MEIS2: variants seen among roughly 807,000 people sequenced by gnomAD.
MEIS2 encodes the protein homeobox protein Meis2.
In MEIS2, 9 loss-of-function variants were observed where a neutral mutation model predicts 58.6. The ratio of observed to expected loss-of-function variants is 0.15; its 90% CI spans 0.09 to 0.27. MEIS2 has a LOEUF of 0.27. Among genes scored for constraint, MEIS2 ranks in the 10% least tolerant of loss-of-function variants. The pLI is 1.00. For missense variants in MEIS2, 427 were observed against 635.0 expected, an observed-to-expected ratio of 0.67 and a Z score of 3.52; for synonymous variants, 221 against 228.4, an observed-to-expected ratio of 0.97 and a Z score of 0.29.
intron 9 of MEIS2, among the ~76,000 whole-genome samples, chr15:36,945,920 T>C (rs1339143844): frequency 1.3e-5 from 2 of 152,032 alleles, no homozygotes; most frequent in Non-Finnish European, 2.9e-5. Flanking sequence ...TATACCTGTA[T>C]ACTGTCAATA....
intron 8 of MEIS2, among the ~76,000 whole-genome samples, chr15:37,006,711 A>C (rs1369365535): frequency 1.3e-5 from 2 of 152,238 alleles, no homozygotes; most frequent in Non-Finnish European, 2.9e-5. Flanking sequence ...TTCACCTGAC[A>C]AAAACTTAAC....
At chr15:36,956,882 A>G (rs1233882313) in intron 8 of MEIS2, among the ~76,000 whole-genome samples, 1 of 95,538 alleles carries the variant, frequency 1.0e-5, no homozygotes, top group Non-Finnish European at 2.1e-5. Flanking sequence ...GCTAGAAATG[A>G]TTGTTAAAAA....
chr15:36,918,618 A>C (rs16964301), intron 9 of MEIS2, among the ~76,000 whole-genome samples: 9,188 of 152,254 alleles, frequency 0.06, 498 homozygotes, highest in East Asian at 0.25. Context: ...AAGATGAAAG[A>C]GTCTCAATGC....
At chr15:37,068,560 T>C (rs185813534) in intron 7 of MEIS2, among the ~76,000 whole-genome samples, 1 of 152,324 alleles carries the variant, frequency 6.6e-6, no homozygotes, top group East Asian at 1.9e-4. Flanking sequence ...CACTCCGCAC[T>C]CATTATGAGG....
At chr15:37,000,064 A>G (rs2060664923) in intron 8 of MEIS2, among the ~76,000 whole-genome samples, 1 of 152,222 alleles carries the variant, frequency 6.6e-6, no homozygotes, top group Admixed American at 6.5e-5. Context: ...AGCAAGGAAG[A>G]GTTTAAAATA....
Position 37,006,044 on chromosome 15 carries a change from T to C in MEIS2, c.900+30770A>G, listed in dbSNP as rs1052808479. On this transcript the variant is annotated intron_variant, in intron 8 of 11. Transcript: ENST00000561208. ...GTGGAGTACTGAATCATTTTTATTG[T>C]TATACAATTACTTATAATCTTCTTC... Among the ~76,000 whole-genome samples, 11 of 152,360 alleles carry C rather than the reference T, an allele frequency of 7.2e-5. 1 individual carries two copies. The highest frequency in any genetic ancestry group is 3.9e-4 in the Admixed American group (6 of 15,308).
chr15:37,045,575 A>G (rs1000623604), intron 7 of MEIS2, among the ~76,000 whole-genome samples: 4 of 152,118 alleles, frequency 2.6e-5, no homozygotes, highest in African/African-American at 9.7e-5. Context: ...AGCAAAGTAA[A>G]TTTTTTCCTA....
chr15:36,936,287 CG>C (rs11311349), intron 9 of MEIS2, among the ~76,000 whole-genome samples: 113,923 of 150,830 alleles, frequency 0.76, 43,784 homozygotes, highest in African/African-American at 0.9. Context: ...CTCCGCCTCC[CG>C]GGGTTCACGC....
chr15:37,075,907 T>C (rs1366950217), intron 7 of MEIS2, among the ~76,000 whole-genome samples: 1 of 151,974 alleles, frequency 6.6e-6, no homozygotes, highest in Non-Finnish European at 1.5e-5. Context: ...TTATTTTTTT[T>C]TTCGAGACCT....
chr15:37,006,598 T>C (rs2060931727), intron 8 of MEIS2, among the ~76,000 whole-genome samples: 1 of 152,236 alleles, frequency 6.6e-6, no homozygotes, highest in Admixed American at 6.5e-5. Context: ...GATAGCTATA[T>C]GCGTCTCTTA....
chr15:36,989,838 T>C (rs74008825), intron 8 of MEIS2, among the ~76,000 whole-genome samples: 2,127 of 152,332 alleles, frequency 0.014, 58 homozygotes, highest in African/African-American at 0.048. Context: ...GTAGTGTAAG[T>C]ACAGTGTAGC....
chr15:37,032,157 CCCA>C (rs1349961751), intron 8 of MEIS2, among the ~76,000 whole-genome samples: 2 of 152,110 alleles, frequency 1.3e-5, no homozygotes, highest in Non-Finnish European at 2.9e-5. Flanking sequence ...TGAAAGAAGT[CCCA>C]CATCTGCTAA....
intron 9 of MEIS2, among the ~76,000 whole-genome samples, chr15:36,925,765 C>T (rs914332399): frequency 4.6e-5 from 7 of 152,128 alleles, no homozygotes; most frequent in African/African-American, 1.4e-4. Context: ...TTTTTATAGC[C>T]GTGGTCTTTC....
chr15:37,039,039 G>A (rs904817725), intron 7 of MEIS2, among the ~76,000 whole-genome samples: 15 of 152,208 alleles, frequency 9.9e-5, no homozygotes, highest in Non-Finnish European at 2.1e-4. Context: ...CAGATGGAGA[G>A]TGGCTATTAG....
rs1329697250 is a variant in MEIS2 at position 37,099,461 on chromosome 15, C to T, written c.6G>A (p.Ala2=). The T allele has an allele frequency of 6.2e-7, 1 of 1,613,932 alleles. No homozygotes were observed. Residue 2 remains alanine, a synonymous_variant, in exon 1 of 12, where the codon GCG becomes GCA. Transcript: ENST00000561208. ...GTTGGAGATTTAAACCTACCCTTTG[C>T]GCCATCAGTCTGCGCTCCAATAAAC... M[A]QRYDELPHYG...
chr15:36,921,941 G>A (rs1465229094), intron 9 of MEIS2, among the ~76,000 whole-genome samples: 1 of 152,124 alleles, frequency 6.6e-6, no homozygotes. Context: ...CACCCTCCAA[G>A]GTCAGACATG....
At chr15:36,970,909 A>T (rs1310194624) in intron 8 of MEIS2, among the ~76,000 whole-genome samples, 1 of 152,170 alleles carries the variant, frequency 6.6e-6, no homozygotes, top group Non-Finnish European at 1.5e-5. Context: ...TGTTAATACA[A>T]CTGCAGTATG....
chr15:37,003,732 C>G (rs1264577168), intron 8 of MEIS2, among the ~76,000 whole-genome samples: 1 of 152,018 alleles, frequency 6.6e-6, no homozygotes, highest in Non-Finnish European at 1.5e-5. Flanking sequence ...AAATTCTAAC[C>G]CCCAATGTGA....
At chr15:36,910,775 A>G (rs1024430057) in intron 9 of MEIS2, among the ~76,000 whole-genome samples, 2 of 152,150 alleles carry the variant, frequency 1.3e-5, no homozygotes, top group Non-Finnish European at 2.9e-5. Context: ...TGCTGGGCGC[A>G]GTGGCTCACG....
Sources: gnomAD v4.1 joint callset for allele counts (sites outside exome capture counted in the v4.1 genomes callset) on GRCh38, gnomAD v4.1.1 for gene constraint, MANE v1.5 for transcripts, NCBI Gene and HGNC (gene_info 2026-07-23, HGNC 2026-07-21) for gene names.